NGEF: variants seen among roughly 807,000 people sequenced by gnomAD.
NGEF encodes the protein neuronal guanine nucleotide exchange factor, also known as ephexin-1.
In NGEF, 31 loss-of-function variants were observed where a neutral mutation model predicts 80.9. That is an observed-to-expected ratio of 0.38 (90% CI 0.29 to 0.52). The LOEUF is 0.52. Among genes scored for constraint, NGEF ranks in the 20% least tolerant of loss-of-function variants. The pLI, the probability that NGEF is intolerant of heterozygous loss-of-function variation, is 0.84. For missense variants in NGEF, 709 were observed against 926.2 expected (o/e 0.77, Z 3.04); for synonymous variants, 371 against 370.2 (o/e 1.00, Z -0.03).
intron 8 of NGEF, among the ~76,000 whole-genome samples, chr2:232,888,413 T>C (rs368141688): frequency 1.3e-5 from 2 of 151,756 alleles, no homozygotes; most frequent in African/African-American, 4.9e-5. Flanking sequence ...CACACATGCA[T>C]GCACACACGT....
intron 9 of NGEF, among the ~76,000 whole-genome samples, chr2:232,887,788 A>T (rs1691740094): frequency 6.6e-6 from 1 of 152,218 alleles, no homozygotes; most frequent in African/African-American, 2.4e-5. Flanking sequence ...AGGCACAGTA[A>T]CAAGACAGGC....
rs1413763999 is a variant in NGEF, at chr2:232,952,800, T to C, written c.383+17414A>G. Among the ~76,000 whole-genome samples the C allele has an allele frequency of 2.0e-5, 3 of 149,686 alleles. No homozygotes were observed. In the Admixed American group the frequency reaches 2.0e-4, roughly 10 times the overall value. ...CTGGCCAATATGGTGAGACCCCATC[T>C]CTACTAAAAAATACAAAAATTAGCT... On this transcript the variant is annotated intron_variant, in intron 3 of 14. Coordinates refer to ENST00000264051, the MANE Select transcript of NGEF (RefSeq NM_019850.3).
chr2:232,957,117 T>C (rs1477960995), intron 3 of NGEF, among the ~76,000 whole-genome samples: 1 of 151,892 alleles, frequency 6.6e-6, no homozygotes, highest in African/African-American at 2.4e-5. Flanking sequence ...AAGGGCAAAG[T>C]AAGGAAGATT....
chr2:232,932,704 C>T (rs189693246), intron 3 of NGEF, among the ~76,000 whole-genome samples: 19 of 152,248 alleles, frequency 1.2e-4, no homozygotes, highest in Non-Finnish European at 4.4e-5. Flanking sequence ...ATGGTGCCAG[C>T]CTGGGCTGGT....
At chr2:232,942,219 A>G (rs981751484) in intron 3 of NGEF, among the ~76,000 whole-genome samples, 2 of 152,128 alleles carry the variant, frequency 1.3e-5, no homozygotes, top group Middle Eastern at 3.2e-3. Flanking sequence ...CTCCTGGAGC[A>G]CTTCACCTGG....
chr2:232,986,838 GTATATATC>G (rs1480491830), intron 1 of NGEF, among the ~76,000 whole-genome samples: 4 of 152,146 alleles, frequency 2.6e-5, no homozygotes, highest in Non-Finnish European at 5.9e-5. Context: ...ACTACACGAT[GTATATATC>G]TATCACATCA....
At chr2:233,011,140 G>A (rs919694582) in intron 1 of NGEF, among the ~76,000 whole-genome samples, 5 of 152,100 alleles carry the variant, frequency 3.3e-5, no homozygotes, top group Admixed American at 6.5e-5. Context: ...GCCTGGCCTC[G>A]GGGGTGTGGG....
At chr2:232,979,993 C>T (rs2106327184) in intron 1 of NGEF, among the ~76,000 whole-genome samples, 1 of 152,208 alleles carries the variant, frequency 6.6e-6, no homozygotes, top group African/African-American at 2.4e-5. Flanking sequence ...ATAATCTGGC[C>T]AAGGTCGCAT....
intron 5 of NGEF, among the ~76,000 whole-genome samples, chr2:232,919,101 C>G (rs767297573): frequency 4.0e-4 from 61 of 152,340 alleles, no homozygotes; most frequent in Middle Eastern, 3.4e-3. Flanking sequence ...TTTTATGAAG[C>G]CTTCCCTAGT....
At chr2:232,893,812 A>G (rs1237145253) in intron 6 of NGEF, among the ~76,000 whole-genome samples, 4 of 152,194 alleles carry the variant, frequency 2.6e-5, no homozygotes, top group Non-Finnish European at 5.9e-5. Context: ...GCAGAAGCCC[A>G]GGGGTCTCAC....
chr2:232,982,616 C>T (rs4973059), intron 1 of NGEF, among the ~76,000 whole-genome samples: 44,748 of 152,092 alleles, frequency 0.29, 7,193 homozygotes, highest in East Asian at 0.6. Context: ...CGGGTTCAAG[C>T]GATTCTCCTG....
intron 2 of NGEF, among the ~76,000 whole-genome samples, chr2:232,973,201 A>T (rs1211066360): frequency 1.3e-5 from 2 of 152,172 alleles, no homozygotes; most frequent in African/African-American, 4.8e-5. Context: ...ACATCATTAC[A>T]ATATTGTGGG....
At chr2:232,914,265 C>G (rs1179884733) in intron 5 of NGEF, among the ~76,000 whole-genome samples, 1 of 152,218 alleles carries the variant, frequency 6.6e-6, no homozygotes, top group Non-Finnish European at 1.5e-5. Context: ...TCTAGACTTA[C>G]GCTGATCAAC....
chr2:232,987,075 G>A (rs1017002756), intron 1 of NGEF, among the ~76,000 whole-genome samples: 3 of 151,942 alleles, frequency 2.0e-5, no homozygotes, highest in Non-Finnish European at 4.4e-5. Flanking sequence ...GGAGTGCAGT[G>A]GCATGACCTC....
chr2:232,952,813 A>G (rs1293395843), intron 3 of NGEF, among the ~76,000 whole-genome samples: 1 of 151,086 alleles, frequency 6.6e-6, no homozygotes, highest in African/African-American at 2.4e-5. Context: ...ACTAAAAAAT[A>G]CAAAAATTAG....
intron 2 of NGEF, among the ~76,000 whole-genome samples, chr2:232,972,420 T>A (rs1574646448): frequency 6.6e-6 from 1 of 152,340 alleles, no homozygotes; most frequent in East Asian, 1.9e-4. Flanking sequence ...TTTTTAAATG[T>A]GGCCACTGGA....
At chr2:232,930,072 C>T (rs1415670406) in intron 3 of NGEF, among the ~76,000 whole-genome samples, 1 of 152,138 alleles carries the variant, frequency 6.6e-6, no homozygotes, top group African/African-American at 2.4e-5. Flanking sequence ...ATCTCTTTTT[C>T]TTTATAAATT....
chr2:232,961,283 G>A (rs780043148), intron 3 of NGEF, among the ~76,000 whole-genome samples: 11 of 151,954 alleles, frequency 7.2e-5, no homozygotes, highest in Non-Finnish European at 1.3e-4. Flanking sequence ...AGTCCCTTTC[G>A]GCATTCTCTT....
chr2:232,879,871 G>A (rs1192524551), intron 14 of NGEF, among the ~76,000 whole-genome samples, 192 bp from the exon 15 acceptor site: 1 of 152,214 alleles, frequency 6.6e-6, no homozygotes, highest in Non-Finnish European at 1.5e-5. Context: ...GCTGGGAGGT[G>A]CATGAGCACC....
Sources: gnomAD v4.1 joint callset for allele counts (sites outside exome capture counted in the v4.1 genomes callset) on GRCh38, gnomAD v4.1.1 for gene constraint, MANE v1.5 for transcripts, NCBI Gene and HGNC (gene_info 2026-07-23, HGNC 2026-07-21) for gene names.